The following USP10 variants were observed in gnomAD, a reference collection of about 807,000 sequenced individuals.
The protein encoded by USP10 is ubiquitin specific peptidase 10.
USP10 carries 22 observed loss-of-function variants against 84.5 expected under a neutral mutation model. The observed-to-expected ratio is 0.26, with a 90% confidence interval of 0.19 to 0.37. The LOEUF (loss-of-function observed/expected upper bound fraction) is 0.37, where lower values mean the gene tolerates loss of function less well. Ranked by LOEUF, USP10 falls within the 10% of genes least tolerant of loss-of-function variation. The pLI is 1.00. For missense variants in USP10, 1,019 were observed against 998.9 expected (o/e 1.02, Z -0.27); for synonymous variants, 454 against 387.6 (o/e 1.17, Z -2.01).
rs556283601 is a variant in USP10 at position 84,737,644 on chromosome 16, T to G, written c.91-2665T>G. On this transcript the variant is annotated intron_variant, in intron 2 of 13. Transcript: ENST00000219473. ...AAGGTGGCAGTGTCATCTGGGAGTT[T>G]GCTGGTGGTCGTCTCACCAGATCCC... is the stretch of plus-strand genomic sequence containing the variant. Among the ~76,000 whole-genome samples, 4 of 152,324 alleles carry G rather than the reference T, an allele frequency of 2.6e-5. No homozygotes were observed. The East Asian group carries it at 5.8e-4, about 22-fold the overall frequency.
chr16:84,757,823 T>C lies in USP10; in HGVS notation c.1193-893T>C, dbSNP rs529737225. Among the ~76,000 whole-genome samples, 4 of 152,254 alleles carry C rather than the reference T, an allele frequency of 2.6e-5. No individual in the cohort carries two copies. In the East Asian group the frequency reaches 5.8e-4, roughly 22 times the overall value. On this transcript the variant is annotated intron_variant, in intron 4 of 13. Transcript: ENST00000219473. ...AGTTAGTCAGTCTTTGGGAGCCTCA[T>C]TTTCCTTATTGGTGAAAGGGTCAAA... is the stretch of plus-strand genomic sequence containing the variant.
chr16:84,763,467 T>C (rs1210657185), intron 9 of USP10, among the ~76,000 whole-genome samples: 1 of 152,256 alleles, frequency 6.6e-6, no homozygotes, highest in Admixed American at 6.5e-5. Context: ...GCATACATTT[T>C]CCCTGAATGA....
chr16:84,724,033 T>G (rs1908143457), intron 1 of USP10, among the ~76,000 whole-genome samples: 1 of 152,234 alleles, frequency 6.6e-6, no homozygotes, highest in Non-Finnish European at 1.5e-5. Context: ...GAACTTCTAC[T>G]AGGGCTATCC....
At position 84,729,820 on chromosome 16, in the gene USP10, C is replaced by A. The variant is rs117520594; in HGVS notation, c.22-3615C>A. Reference sequence around the variant, plus strand: ...AAATTAAGTTGGAGTTCAAAACAGCCGTGGCTAGTGATTTGTCAAGTGTTA... The same window carrying A: ...AAATTAAGTTGGAGTTCAAAACAGCAGTGGCTAGTGATTTGTCAAGTGTTA... On this transcript the variant is annotated intron_variant, in intron 1 of 13. Transcript: ENST00000219473. Among the ~76,000 whole-genome samples the A allele has an allele frequency of 2.4e-4, 37 of 152,226 alleles. No homozygotes were observed. In the East Asian group the frequency reaches 6.4e-3, roughly 26 times the overall value.
At position 84,762,189 on chromosome 16, in the gene USP10, G is replaced by A. The variant is rs566171396; in HGVS notation, c.1555-800G>A. 1.3e-3 allele frequency among the ~76,000 whole-genome samples: 201 copies of A among 152,354 alleles called. 4 individuals carry two copies. The highest frequency in any genetic ancestry group is 1.7e-3 in the Non-Finnish European group (116 of 68,032). ...GTAACACAGCTAACGCTCTAAATCA[G>A]TGGAGTTTTTCCACATGTAGTTTGA... On this transcript the variant is annotated intron_variant, in intron 8 of 13. Transcript: ENST00000219473.
At chr16:84,753,557 T>A (rs909455231) in intron 4 of USP10, among the ~76,000 whole-genome samples, 4 of 152,180 alleles carry the variant, frequency 2.6e-5, no homozygotes, top group African/African-American at 9.7e-5. Context: ...CTGTTCCAGG[T>A]GCGGAGTGAT....
chr16:84,769,843 G>T (rs1481238395), intron 11 of USP10, among the ~76,000 whole-genome samples: 1 of 152,152 alleles, frequency 6.6e-6, no homozygotes, highest in Non-Finnish European at 1.5e-5. Flanking sequence ...GGTAGGGGTG[G>T]CGGTGTGGGG....
chr16:84,764,241 G>A lies in USP10; in HGVS notation c.1810G>A (p.Gly604Ser), dbSNP rs774030552. ...GGATTTTGTTCAGACTCCAATCACC[G>A]GCATTTTTGGTGGACACATCAGGTT... Reference protein sequence around the residue: ...QADFVQTPITGIFGGHIRSVV... With the variant: ...QADFVQTPITSIFGGHIRSVV... Residue 604 changes from glycine (G) to serine (S), a missense_variant, in exon 10 of 14, where the codon GGC (glycine) becomes AGC (serine). By Grantham distance (56) the Gly-to-Ser change is moderately conservative (BLOSUM62 0). Transcript: ENST00000219473. 5.0e-6 allele frequency: 8 copies of A among 1,613,974 alleles called. No homozygotes were observed. The highest frequency in any genetic ancestry group is 3.3e-5 in the South Asian group (3 of 91,088).
chr16:84,702,000 A>T (rs1427540859), intron 1 of USP10, among the ~76,000 whole-genome samples: 2 of 59,114 alleles, frequency 3.4e-5, no homozygotes, highest in African/African-American at 1.4e-4. Flanking sequence ...TGCTGTGGTT[A>T]TTAACCTATA....
chr16:84,711,438 C>T (rs1567589853), intron 1 of USP10, among the ~76,000 whole-genome samples: 1 of 152,154 alleles, frequency 6.6e-6, no homozygotes. Context: ...CATCCTGAAG[C>T]CTGGTTGTCA....
At chr16:84,742,026 G>A (rs915152402) in intron 3 of USP10, among the ~76,000 whole-genome samples, 1 of 152,228 alleles carries the variant, frequency 6.6e-6, no homozygotes, top group African/African-American at 2.4e-5. Context: ...GCACCTCATC[G>A]TGGCTTCCCT....
At chr16:84,740,202 A>T in intron 2 of USP10, 107 bp from the exon 3 acceptor site, 5 of 968,388 alleles carry the variant, frequency 5.2e-6, no homozygotes, top group Non-Finnish European at 6.2e-6. Flanking sequence ...ACGGCATGCA[A>T]AGTTGTATGG....
rs185562292 is a variant in USP10, at chr16:84,721,192, A to G, written c.22-12243A>G. On this transcript the variant is annotated intron_variant, in intron 1 of 13. Transcript: ENST00000219473. ...CAGGTGTGAGCCACCATGCCCGGCA[A>G]TGATGCAGAATTTTTAAGATGATGT... Among the ~76,000 whole-genome samples the G allele has an allele frequency of 1.5e-3, 233 of 152,252 alleles. 2 individuals are homozygous for G. Among genetic ancestry groups the G allele is most frequent in the African/African-American group, 4.9e-3 (204 of 41,548 alleles).
intron 3 of USP10, 77 bp from the exon 4 acceptor site, chr16:84,744,556 A>T: frequency 7.4e-7 from 1 of 1,347,166 alleles, no homozygotes; most frequent in Non-Finnish European, 1.0e-6. Flanking sequence ...TTTTATTTTC[A>T]AAGAGAAAGT....
chr16:84,726,281 C>A (rs1431064944), intron 1 of USP10, among the ~76,000 whole-genome samples: 3 of 152,238 alleles, frequency 2.0e-5, no homozygotes, highest in Non-Finnish European at 2.9e-5. Flanking sequence ...TCCCGCAGTT[C>A]CGGCGGGAGA....
At position 84,702,045 on chromosome 16, in the gene USP10, CTTTTTTTTTTTTTTTT is replaced by C. The variant is rs1168917308; in HGVS notation, c.21+1947_21+1962del. ...ATTTATTTTGAGATGGAGTTTCGCT[CTTTTTTTTTTTTTTTT>C]TTTTTTTTTTTTGAGACGGGAGTCT... is the stretch of plus-strand genomic sequence containing the variant. On this transcript the variant is annotated intron_variant, in intron 1 of 13. Coordinates refer to ENST00000219473, the MANE Select transcript of USP10 (RefSeq NM_005153.3). Among the ~76,000 whole-genome samples the C allele has an allele frequency of 1.6e-4, 7 of 42,614 alleles. No individual in the cohort carries two copies. The Admixed American group carries it at 2.1e-3, about 13-fold the overall frequency. 28.0% of individuals were successfully genotyped at this position (42,614 alleles called of 152,430 possible). A position where few individuals can be genotyped will look rare whatever the true frequency, so the allele number is the denominator to read the frequency against.
chr16:84,759,414 A>G lies in USP10; in HGVS notation c.1336A>G (p.Ile446Val), dbSNP rs1175074942. The change falls in exon 6 of 14, where the codon ATT (isoleucine) becomes GTT (valine). Residue 446 changes from isoleucine (I) to valine (V), a missense_variant. Ile to Val is a conservative substitution (Grantham distance 29). Transcript: ENST00000219473. ...GCCGATGTACCACCTGATGAAGTTC[A>G]TTCCTCTGTATTCCAAAGTGCAAAG... ...CPPMYHLMKF[I>V]PLYSKVQRPC... 1 of 1,614,006 alleles carries G rather than the reference A, an allele frequency of 6.2e-7. No homozygotes were observed.
intron 1 of USP10, among the ~76,000 whole-genome samples, chr16:84,724,277 T>C (rs1908176571): frequency 6.6e-6 from 1 of 152,212 alleles, no homozygotes; most frequent in South Asian, 2.1e-4. Flanking sequence ...TCATGTTTTC[T>C]AATTTGGAGA....
chr16:84,732,538 C>T, intron 1 of USP10: 1 of 374,316 alleles, frequency 2.7e-6, no homozygotes, highest in South Asian at 1.8e-5. Flanking sequence ...CCTCGGCCTC[C>T]CTGGTTCAAG....
Sources: allele counts gnomAD v4.1 joint callset (sites outside exome capture counted in the v4.1 genomes callset), GRCh38; gene constraint gnomAD v4.1.1; transcripts MANE v1.5; gene names NCBI Gene and HGNC (gene_info 2026-07-23, HGNC 2026-07-21).